Variants in CSGALNACT1 observed in about 807,000 individuals in gnomAD.
CSGALNACT1 encodes the protein beta4GalNAcT-1.
A neutral mutation model predicts 51.0 loss-of-function variants in CSGALNACT1; 52 were observed. That is an observed-to-expected ratio of 1.02 (90% CI 0.82 to 1.29). The LOEUF is 1.29. Ranked by LOEUF, CSGALNACT1 falls within the 50% of genes most tolerant of loss-of-function variation. The probability of loss-of-function intolerance (pLI) is 0.00; values close to 1 mark genes in which losing one functional copy is unlikely to be tolerated. For synonymous variants in CSGALNACT1, 341 were observed against 254.4 expected (o/e 1.34, Z -3.24); for missense variants, 935 against 679.2 (o/e 1.38, Z -4.19).
chr8:19,474,595 T>C (rs1454457678), intron 4 of CSGALNACT1, among the ~76,000 whole-genome samples: 1 of 151,912 alleles, frequency 6.6e-6, no homozygotes, highest in Non-Finnish European at 1.5e-5. Flanking sequence ...CGGCCAGGTG[T>C]GGTGGCTCAC....
intron 1 of CSGALNACT1, among the ~76,000 whole-genome samples, chr8:19,710,590 G>C (rs368155913): frequency 2.6e-5 from 4 of 152,132 alleles, no homozygotes; most frequent in South Asian, 2.1e-4. Flanking sequence ...ATTAGTTCTA[G>C]GGTAGGGAGT....
intron 4 of CSGALNACT1, among the ~76,000 whole-genome samples, chr8:19,482,864 C>A (rs2071824537): frequency 6.6e-6 from 1 of 152,082 alleles, no homozygotes; most frequent in African/African-American, 2.4e-5. Context: ...TTATGTGTCC[C>A]AGAGACAGCT....
At chr8:19,602,956 T>C (rs1008375875), upstream of CSGALNACT1, among the ~76,000 whole-genome samples, 53 of 151,620 alleles carry the variant, frequency 3.5e-4, no homozygotes, top group African/African-American at 1.2e-3. Flanking sequence ...TATCCATCTA[T>C]ATATGTATTT....
intron 1 of CSGALNACT1, among the ~76,000 whole-genome samples, chr8:19,700,840 C>A (rs1483935057): frequency 6.6e-6 from 1 of 152,168 alleles, no homozygotes; most frequent in Non-Finnish European, 1.5e-5. Context: ...CCTAGTTTCC[C>A]ATATCATATC....
chr8:19,690,576 A>C (rs927687242), intron 1 of CSGALNACT1, among the ~76,000 whole-genome samples: 1 of 152,246 alleles, frequency 6.6e-6, no homozygotes, highest in African/African-American at 2.4e-5. Flanking sequence ...TTCCTCTATA[A>C]CCAAAGCCCA....
chr8:19,648,004 C>T (rs932609615), intron 1 of CSGALNACT1, among the ~76,000 whole-genome samples: 4 of 152,192 alleles, frequency 2.6e-5, no homozygotes, highest in African/African-American at 9.6e-5. Context: ...CCAAGTTCTG[C>T]TGCAAGTGGA....
Position 19,635,282 on chromosome 8 carries a change from C to T in CSGALNACT1, c.-543-33417G>A, listed in dbSNP as rs570197210. ...CCTTGGCGAGTAGGCCCGTGCAAGG[C>T]CAAGGGCAGGGATGTGTTTGAGCTG... On this transcript the variant is annotated intron_variant, in intron 1 of 9. Coordinates refer to the CSGALNACT1 transcript ENST00000332246. Among the ~76,000 whole-genome samples the T allele has an allele frequency of 7.9e-5, 12 of 152,300 alleles. No homozygotes were observed. The South Asian group carries it at 2.3e-3, about 29-fold the overall frequency.
At chr8:19,618,653 A>AAAAGAAAGAAAGAAAGAAAG (rs71545557) in intron 1 of CSGALNACT1, among the ~76,000 whole-genome samples, 3 of 91,356 alleles carry the variant, frequency 3.3e-5, no homozygotes, top group African/African-American at 1.7e-4. Context: ...AAAAAAAAAA[A>AAAAGAAAGAAAGAAAGAAAG]AAAGAAAGAA....
intron 4 of CSGALNACT1, among the ~76,000 whole-genome samples, chr8:19,498,119 A>C (rs890898292): frequency 6.6e-6 from 1 of 152,096 alleles, no homozygotes; most frequent in African/African-American, 2.4e-5. Context: ...GTGACAAAAT[A>C]AACTTTCTAA....
At chr8:19,610,533 C>T (rs920870934) in intron 1 of CSGALNACT1, among the ~76,000 whole-genome samples, 1 of 152,154 alleles carries the variant, frequency 6.6e-6, no homozygotes, top group African/African-American at 2.4e-5. Context: ...AGGAGCACAT[C>T]GGTGGAGGAA....
At chr8:19,415,494 G>A (rs1241780899) in intron 8 of CSGALNACT1, among the ~76,000 whole-genome samples, 1 of 152,196 alleles carries the variant, frequency 6.6e-6, no homozygotes, top group Non-Finnish European at 1.5e-5. Context: ...TTCACAGCCT[G>A]TGGCAACAAT....
chr8:19,689,186 A>G (rs925306519), intron 1 of CSGALNACT1, among the ~76,000 whole-genome samples: 1 of 152,180 alleles, frequency 6.6e-6, no homozygotes, highest in Admixed American at 6.5e-5. Flanking sequence ...TTCCAAGACG[A>G]TGTCATAAAA....
At chr8:19,660,131 C>T (rs1312788786) in intron 1 of CSGALNACT1, among the ~76,000 whole-genome samples, 1 of 152,184 alleles carries the variant, frequency 6.6e-6, no homozygotes, top group African/African-American at 2.4e-5. Flanking sequence ...ATCTGTGGGG[C>T]TTCAGAGTTC....
rs577313333 is a variant in CSGALNACT1 at position 19,616,955 on chromosome 8, C to G, written c.-543-15090G>C. ...GGATGATTCAAACTCATTTCACGTA[C>G]TGTGCACTTTATTTCTATTATTACC... On this transcript the variant is annotated intron_variant, in intron 1 of 9. Transcript: ENST00000332246. Among the ~76,000 whole-genome samples the G allele has an allele frequency of 3.9e-5, 6 of 152,334 alleles. No homozygotes were observed. In the South Asian group the frequency reaches 1.2e-3, roughly 32 times the overall value.
At chr8:19,606,635 T>G (rs1209488056), upstream of CSGALNACT1, among the ~76,000 whole-genome samples, 1 of 152,246 alleles carries the variant, frequency 6.6e-6, no homozygotes, top group Non-Finnish European at 1.5e-5. Context: ...GACTACAGGA[T>G]GCAGACTCAA....
At chr8:19,432,472 T>A (rs976410802) in intron 6 of CSGALNACT1, among the ~76,000 whole-genome samples, 1 of 152,206 alleles carries the variant, frequency 6.6e-6, no homozygotes, top group Admixed American at 6.5e-5. Flanking sequence ...ATGTTTTCCA[T>A]CAAATTTGAG....
chr8:19,426,013 C>G (rs773977329), intron 6 of CSGALNACT1, among the ~76,000 whole-genome samples: 1 of 152,154 alleles, frequency 6.6e-6, no homozygotes, highest in Non-Finnish European at 1.5e-5. Flanking sequence ...CCTTTGCTTG[C>G]ACAGATCTGT....
intron 1 of CSGALNACT1, among the ~76,000 whole-genome samples, chr8:19,695,012 C>T (rs563875457): frequency 1.3e-5 from 2 of 152,100 alleles, no homozygotes; most frequent in Non-Finnish European, 2.9e-5. Context: ...GCAGCACAGG[C>T]CCCCCATCTA....
exon 4 of CSGALNACT1, chr8:19,505,350 C>A: frequency 6.2e-7 from 1 of 1,614,170 alleles, no homozygotes; most frequent in Non-Finnish European, 8.5e-7. Flanking sequence ...GCGGGTAAGG[C>A]CAGTCTCCAG....
Sources: gnomAD v4.1 joint callset for allele counts (sites outside exome capture counted in the v4.1 genomes callset) on GRCh38, gnomAD v4.1.1 for gene constraint, MANE v1.5 for transcripts, NCBI Gene and HGNC (gene_info 2026-07-23, HGNC 2026-07-21) for gene names.